PTDSS1: variants seen among roughly 807,000 people sequenced by gnomAD.
PTDSS1 encodes the protein phosphatidylserine synthase 1.
In PTDSS1, 45 loss-of-function variants were observed where a neutral mutation model predicts 70.5. The ratio of observed to expected loss-of-function variants is 0.64; its 90% CI spans 0.50 to 0.82. PTDSS1 has a LOEUF of 0.82. PTDSS1 is among the 40% of genes least tolerant of loss of function. The pLI is 0.00. For synonymous variants in PTDSS1, 188 were observed against 203.8 expected (o/e 0.92, Z 0.66); for missense variants, 417 against 586.1 (o/e 0.71, Z 2.98).
At chr8:96,283,234 G>A (rs1177662193) in intron 2 of PTDSS1, among the ~76,000 whole-genome samples, 1 of 152,192 alleles carries the variant, frequency 6.6e-6, no homozygotes, top group Non-Finnish European at 1.5e-5. Context: ...ACAAGCTCTG[G>A]TGTCTCTCCT....
intron 2 of PTDSS1, among the ~76,000 whole-genome samples, chr8:96,276,742 CT>C: frequency 6.6e-6 from 1 of 152,164 alleles, no homozygotes; most frequent in East Asian, 1.9e-4. Flanking sequence ...CTGTCAGTCT[CT>C]GGCTTGTCTT....
At chr8:96,300,273 CTCATGGTCTTTGG>C (rs1310590495) in intron 6 of PTDSS1, among the ~76,000 whole-genome samples, 17 of 152,130 alleles carry the variant, frequency 1.1e-4, no homozygotes, top group African/African-American at 4.1e-4. Context: ...GTGATGGCTT[CTCATGGTCTTTGG>C]TCATGGTCAA....
intron 8 of PTDSS1, among the ~76,000 whole-genome samples, chr8:96,308,984 A>G (rs944439582): frequency 6.6e-6 from 1 of 152,010 alleles, no homozygotes; most frequent in Non-Finnish European, 1.5e-5. Flanking sequence ...AAAGCCAAAA[A>G]TCTGTATATT....
rs1212419473 is a variant in PTDSS1 at position 96,262,209 on chromosome 8, G to A, written c.169G>A (p.Ala57Thr). 4.4e-6 allele frequency: 7 copies of A among 1,597,896 alleles called. No individual in the cohort carries two copies. The African/African-American group carries it at 9.4e-5, about 22-fold the overall frequency. The change falls in exon 1 of 13, where the codon GCC (alanine) becomes ACC (threonine). Residue 57 changes from alanine to threonine, a missense_variant. By Grantham distance (58) the Ala-to-Thr change is moderately conservative. Transcript: ENST00000517309. This position sits in a 1 kb window ranked among gnomAD's most constrained non-coding sequence, Gnocchi z 4.4. ...CACCATCGTCAGCCTCATGTACTTC[G>A]CCTTTACCAGGTGGGGCGGCCCAGC... ...SFTIVSLMYF[A>T]FTRDDSVPED...
At chr8:96,333,417 A>G (rs750710809) in intron 12 of PTDSS1, 40 bp from the exon 13 acceptor site, 5 of 1,562,438 alleles carry the variant, frequency 3.2e-6, no homozygotes, top group Non-Finnish European at 4.4e-6. Flanking sequence ...ACCAATCTCC[A>G]GAGCCCAGGG....
intron 9 of PTDSS1, among the ~76,000 whole-genome samples, chr8:96,310,271 T>C (rs1248952662): frequency 1.3e-5 from 2 of 150,690 alleles, no homozygotes; most frequent in Non-Finnish European, 3.0e-5. Flanking sequence ...CTCAAGTGAT[T>C]CTCCTGCCTC....
rs374133344 is a variant in PTDSS1 at position 96,300,499 on chromosome 8, A to G, written c.752+654A>G. On this transcript the variant is annotated intron_variant, in intron 6 of 12. Transcript: ENST00000517309. Reference sequence around the variant, plus strand: ...ATAGTTTTAAGTTGCATACCCCACTATGCTTCCAGTAGAGGACAGTCATAC... The same window carrying G: ...ATAGTTTTAAGTTGCATACCCCACTGTGCTTCCAGTAGAGGACAGTCATAC... 2.3e-4 allele frequency among the ~76,000 whole-genome samples: 35 copies of G among 152,196 alleles called. No individual in the cohort carries two copies. In the East Asian group the frequency reaches 4.7e-3, roughly 20 times the overall value.
chr8:96,335,686 C>T lies in PTDSS1; in HGVS notation c.*2120C>T, dbSNP rs983346353. The T allele has an allele frequency of 2.6e-5, 4 of 152,190 alleles. No homozygotes were observed. The highest frequency in any genetic ancestry group is 1.3e-4 in the Admixed American group (2 of 15,276). The allele number at this position is 152,190 out of a possible 1,614,324, so 9.4% of individuals were successfully genotyped here. ...TTCTTTGAGTTGAAACTTTCTATTT[C>T]CCTTCAGTCAGAGCTCTTTACTATA... On this transcript the variant is annotated 3_prime_UTR_variant, in exon 13 of 13. Coordinates refer to ENST00000517309, the MANE Select transcript of PTDSS1 (RefSeq NM_014754.3).
At chr8:96,310,056 G>C (rs1353050942) in intron 9 of PTDSS1, among the ~76,000 whole-genome samples, 1 of 152,004 alleles carries the variant, frequency 6.6e-6, no homozygotes, top group African/African-American at 2.4e-5. Context: ...TTGAACCCGG[G>C]AGGCTGAGGT....
intron 1 of PTDSS1, among the ~76,000 whole-genome samples, chr8:96,264,198 G>T (rs1810455375): frequency 6.6e-6 from 1 of 152,148 alleles, no homozygotes; most frequent in African/African-American, 2.4e-5. Context: ...TAGCTGTGTG[G>T]CCACATAATT....
chr8:96,281,097 G>A (rs1414466724), intron 2 of PTDSS1, among the ~76,000 whole-genome samples: 1 of 152,150 alleles, frequency 6.6e-6, no homozygotes, highest in Non-Finnish European at 1.5e-5. Context: ...AAGGTGACTT[G>A]ACTGGAGTAG....
intron 1 of PTDSS1, among the ~76,000 whole-genome samples, chr8:96,266,496 T>G (rs539362626): frequency 6.6e-6 from 1 of 152,358 alleles, no homozygotes; most frequent in East Asian, 1.9e-4. Context: ...TTATATTGCT[T>G]ATGGATACTT....
At chr8:96,323,511 G>A (rs1014348130) in intron 10 of PTDSS1, among the ~76,000 whole-genome samples, 1 of 152,192 alleles carries the variant, frequency 6.6e-6, no homozygotes, top group Non-Finnish European at 1.5e-5. Flanking sequence ...CTCCCAGAGT[G>A]GTAGCCCAAG....
intron 10 of PTDSS1, among the ~76,000 whole-genome samples, chr8:96,322,540 T>C (rs1386527155): frequency 6.6e-6 from 1 of 151,970 alleles, no homozygotes; most frequent in East Asian, 1.9e-4. Context: ...ATAGCATCAG[T>C]CCATTTATGG....
chr8:96,294,919 C>A (rs766473485), intron 4 of PTDSS1, among the ~76,000 whole-genome samples, 179 bp from the exon 5 acceptor site: 5 of 152,198 alleles, frequency 3.3e-5, no homozygotes, highest in Non-Finnish European at 7.4e-5. Context: ...GATTTATAAA[C>A]TCAAATACTT....
chr8:96,296,132 CTTTTTTTTTT>C (rs34559310), intron 5 of PTDSS1, among the ~76,000 whole-genome samples: 1 of 54,282 alleles, frequency 1.8e-5, no homozygotes, highest in African/African-American at 7.0e-5. Flanking sequence ...TCATGGTGTT[CTTTTTTTTTT>C]TTTTTTTTTT....
intron 9 of PTDSS1, among the ~76,000 whole-genome samples, chr8:96,311,680 T>A (rs2319600): frequency 0.93 from 141,536 of 152,256 alleles, 66,001 homozygotes; most frequent in African/African-American, 0.95. Flanking sequence ...TTTGTTTCTC[T>A]TAGGTTCTAT....
At chr8:96,274,773 C>T (rs1810617354) in intron 2 of PTDSS1, among the ~76,000 whole-genome samples, 1 of 152,056 alleles carries the variant, frequency 6.6e-6, no homozygotes, top group Non-Finnish European at 1.5e-5. Context: ...TAGTTAGGAG[C>T]GTCACTCTGG....
chr8:96,291,160 G>C (rs953892976), intron 4 of PTDSS1, among the ~76,000 whole-genome samples: 7 of 152,030 alleles, frequency 4.6e-5, no homozygotes, highest in Admixed American at 1.3e-4. Context: ...TGGGAGTGGG[G>C]GAGAGGGTGG....
Sources: allele counts gnomAD v4.1 joint callset (sites outside exome capture counted in the v4.1 genomes callset), GRCh38; gene constraint gnomAD v4.1.1; non-coding constraint Gnocchi (gnomAD v3.1); transcripts MANE v1.5; gene names NCBI Gene and HGNC (gene_info 2026-07-23, HGNC 2026-07-21).